Variants in KCNJ6 observed in about 807,000 individuals in gnomAD.
The protein encoded by KCNJ6 is G protein-activated inward rectifier potassium channel 2.
In KCNJ6, 9 loss-of-function variants were observed where a neutral mutation model predicts 34.2. The ratio of observed to expected loss-of-function variants is 0.26; its 90% CI spans 0.16 to 0.46. The LOEUF is 0.46. Ranked by LOEUF, KCNJ6 falls within the 20% of genes least tolerant of loss-of-function variation. The pLI, the probability that KCNJ6 is intolerant of heterozygous loss-of-function variation, is 1.00. For missense variants in KCNJ6, 236 were observed against 531.3 expected (o/e 0.44, Z 5.46); for synonymous variants, 196 against 207.1 (o/e 0.95, Z 0.46).
chr21:37,735,298 C>A (rs374168331), intron 2 of KCNJ6, among the ~76,000 whole-genome samples: 2 of 152,196 alleles, frequency 1.3e-5, no homozygotes, highest in South Asian at 4.1e-4. Context: ...ATCCTATCAC[C>A]AGAAACGGGG....
chr21:37,832,210 T>C (rs2055429446), intron 2 of KCNJ6, among the ~76,000 whole-genome samples: 1 of 151,460 alleles, frequency 6.6e-6, no homozygotes, highest in South Asian at 2.1e-4. Flanking sequence ...TATAACTACC[T>C]GTGTGAGTGT....
At chr21:37,727,433 G>A (rs1024254896) in intron 2 of KCNJ6, among the ~76,000 whole-genome samples, 16 of 147,366 alleles carry the variant, frequency 1.1e-4, no homozygotes, top group Non-Finnish European at 1.2e-4. Context: ...AGAGCTGGAG[G>A]GGAGCTGAAT....
chr21:37,684,982 A>G (rs2054606783), intron 3 of KCNJ6, among the ~76,000 whole-genome samples: 1 of 152,226 alleles, frequency 6.6e-6, no homozygotes, highest in African/African-American at 2.4e-5. Context: ...ACCATTAACA[A>G]AAAAATCAAT....
chr21:37,717,289 G>A (rs2123454430), intron 2 of KCNJ6: 1 of 153,016 alleles, frequency 6.5e-6, no homozygotes, highest in Non-Finnish European at 1.5e-5. Context: ...GATAGGTGTT[G>A]ATGGGGGGCT....
intron 2 of KCNJ6, among the ~76,000 whole-genome samples, chr21:37,816,279 G>A (rs1429439546): frequency 6.6e-6 from 1 of 152,196 alleles, no homozygotes; most frequent in Non-Finnish European, 1.5e-5. Flanking sequence ...TGGAGGACCG[G>A]TTTACATTCC....
intron 2 of KCNJ6, among the ~76,000 whole-genome samples, chr21:37,781,907 A>T (rs79071772): frequency 6.6e-6 from 1 of 152,126 alleles, no homozygotes; most frequent in Non-Finnish European, 1.5e-5. Flanking sequence ...AGGTAGGGTG[A>T]ATAATGTCCT....
intron 3 of KCNJ6, among the ~76,000 whole-genome samples, chr21:37,671,999 TG>T (rs1320359662): frequency 2.6e-5 from 4 of 152,362 alleles, no homozygotes; most frequent in Middle Eastern, 6.8e-3. Context: ...ATGTTATCTT[TG>T]AATAGAACTA....
chr21:37,909,614 C>T (rs548313514), intron 1 of KCNJ6, among the ~76,000 whole-genome samples: 1 of 152,316 alleles, frequency 6.6e-6, no homozygotes, highest in South Asian at 2.1e-4. Context: ...AAGGGATCCA[C>T]CTGACTCGGC....
chr21:37,712,466 T>TC (rs374904009), intron 3 of KCNJ6, among the ~76,000 whole-genome samples: 1,362 of 88,216 alleles, frequency 0.015, 25 homozygotes, highest in East Asian at 0.056. Flanking sequence ...CCCCTCCTCC[T>TC]CTCTCCCTCC....
At chr21:37,904,595 T>C (rs537065761) in intron 1 of KCNJ6, among the ~76,000 whole-genome samples, 1 of 151,848 alleles carries the variant, frequency 6.6e-6, no homozygotes, top group East Asian at 1.9e-4. Context: ...CCCCATTTTA[T>C]TTTTTTACTA....
intron 2 of KCNJ6, among the ~76,000 whole-genome samples, chr21:37,803,949 G>A (rs767771786): frequency 4.6e-5 from 7 of 152,020 alleles, no homozygotes; most frequent in Non-Finnish European, 1.0e-4. Flanking sequence ...CCTGCCCTTC[G>A]CTTCTATCCA....
chr21:37,849,063 A>T (rs1811703991), intron 1 of KCNJ6, among the ~76,000 whole-genome samples: 1 of 152,244 alleles, frequency 6.6e-6, no homozygotes, highest in South Asian at 2.1e-4. Context: ...TTTTCTTTAA[A>T]GAAAATACTA....
At chr21:37,761,379 T>C (rs755775331) in intron 2 of KCNJ6, among the ~76,000 whole-genome samples, 1 of 151,700 alleles carries the variant, frequency 6.6e-6, no homozygotes, top group Non-Finnish European at 1.5e-5. Flanking sequence ...TATATTTGTG[T>C]GTGTTGTATG....
intron 3 of KCNJ6, among the ~76,000 whole-genome samples, chr21:37,687,590 C>CT (rs893442658): frequency 6.6e-6 from 1 of 152,206 alleles, no homozygotes; most frequent in African/African-American, 2.4e-5. Context: ...TAGCTCTGGG[C>CT]TTTTTTTCCA....
chr21:37,696,187 C>G (rs895988639), intron 3 of KCNJ6, among the ~76,000 whole-genome samples: 1 of 152,188 alleles, frequency 6.6e-6, no homozygotes, highest in Admixed American at 6.5e-5. Context: ...TCGATGAATG[C>G]TAAAAGCAAA....
At chr21:37,637,493 A>G in intron 3 of KCNJ6, among the ~76,000 whole-genome samples, 1 of 152,234 alleles carries the variant, frequency 6.6e-6, no homozygotes, top group Admixed American at 6.5e-5. Flanking sequence ...TGAATTAAGT[A>G]AGAAATGTTA....
At chr21:37,814,830 G>A (rs965947730) in intron 2 of KCNJ6, among the ~76,000 whole-genome samples, 4 of 150,118 alleles carry the variant, frequency 2.7e-5, no homozygotes, top group African/African-American at 5.0e-5. Context: ...CCCAGGAGGC[G>A]GAGCTTGCAG....
At chr21:37,891,329 G>A (rs1041802322) in intron 1 of KCNJ6, among the ~76,000 whole-genome samples, 5 of 151,868 alleles carry the variant, frequency 3.3e-5, no homozygotes, top group Admixed American at 6.6e-5. Context: ...AGACAGATAC[G>A]AACACAGACA....
At chr21:37,625,705 G>T (rs1301395242) in intron 3 of KCNJ6, among the ~76,000 whole-genome samples, 1 of 152,218 alleles carries the variant, frequency 6.6e-6, no homozygotes, top group African/African-American at 2.4e-5. Flanking sequence ...GAGAGTCCTG[G>T]CCCACATCAA....
Sources: gnomAD v4.1 joint callset for allele counts (sites outside exome capture counted in the v4.1 genomes callset) on GRCh38, gnomAD v4.1.1 for gene constraint, MANE v1.5 for transcripts, NCBI Gene and HGNC (gene_info 2026-07-23, HGNC 2026-07-21) for gene names.